PODXL2: variants seen among roughly 807,000 people sequenced by gnomAD.
The protein encoded by PODXL2 is podocalyxin-like protein 2.
In PODXL2, 17 loss-of-function variants were observed where a neutral mutation model predicts 53.4. That is an observed-to-expected ratio of 0.32 (90% confidence interval 0.22 to 0.48). PODXL2 has a LOEUF of 0.48. Among genes scored for constraint, PODXL2 ranks in the 20% least tolerant of loss-of-function variants. PODXL2 has a pLI of 0.99. For synonymous variants in PODXL2, 311 were observed against 306.7 expected, an observed-to-expected ratio of 1.01 and a Z score of -0.15; for missense variants, 673 against 760.0, an observed-to-expected ratio of 0.89 and a Z score of 1.35.
Position 127,629,355 on chromosome 3 carries a change from C to A in PODXL2, c.70+66C>A. On this transcript the variant is annotated intron_variant, in intron 1 of 7. Transcript: ENST00000342480. This position sits in a 1 kb window ranked among gnomAD's most constrained non-coding sequence, Gnocchi z 6.4. ...GGCGTGGGCGCGGTGCTGGACAGCT[C>A]CCCGGGCCGCCAACAAAGGGGCCAG... 1.0e-6 allele frequency: 1 copy of A among 997,236 alleles called. No individual in the cohort carries two copies. The highest frequency in any genetic ancestry group is 1.2e-6 in the Non-Finnish European group (1 of 838,174). The allele number at this position is 997,236 out of a possible 1,614,324, so 61.8% of individuals were successfully genotyped here.
At chr3:127,648,980 C>T (rs561160217) in intron 2 of PODXL2, among the ~76,000 whole-genome samples, 8 of 151,938 alleles carry the variant, frequency 5.3e-5, no homozygotes, top group East Asian at 3.9e-4. Flanking sequence ...TCAGTAGAGA[C>T]GGGGTTTTGT....
chr3:127,668,438 T>C lies in PODXL2; in HGVS notation c.1207-3T>C. ...ACACGGGGGGCTCTTTCTGCCCTTG[T>C]AGGAGGTGTTCCGGCAGCACCGGGG... is the stretch of plus-strand genomic sequence containing the variant. On this transcript the variant is annotated splice_polypyrimidine_tract_variant and splice_region_variant and intron_variant, in intron 4 of 7. Coordinates refer to ENST00000342480, the MANE Select transcript of PODXL2 (RefSeq NM_015720.4). 6.5e-7 allele frequency: 1 copy of C among 1,528,480 alleles called. No homozygotes were observed. The highest frequency in any genetic ancestry group is 2.0e-5 in the Admixed American group (1 of 49,260). The allele number at this position is 1,528,480 out of a possible 1,614,324, so 94.7% of individuals were successfully genotyped here.
At chr3:127,650,712 A>G (rs1490519519) in intron 2 of PODXL2, among the ~76,000 whole-genome samples, 2 of 152,032 alleles carry the variant, frequency 1.3e-5, no homozygotes, top group African/African-American at 4.8e-5. Context: ...GCTGGAGTGC[A>G]GTGGTGCGAT....
chr3:127,631,641 CAATT>C (rs1329053961), intron 1 of PODXL2, among the ~76,000 whole-genome samples: 102 of 152,278 alleles, frequency 6.7e-4, no homozygotes, highest in African/African-American at 2.1e-3. Flanking sequence ...GGTGGGGTCT[CAATT>C]AAGGCAGATT....
rs182006621 is a variant in PODXL2, at chr3:127,661,841, T to C, written c.1132-396T>C. ...CCCTCCTCCTCCCCACCGACACCCA[T>C]GTGCATAGCAGGCACAAGTCAGTGT... On this transcript the variant is annotated intron_variant, in intron 3 of 7. Coordinates refer to ENST00000342480, the MANE Select transcript of PODXL2 (RefSeq NM_015720.4). Among the ~76,000 whole-genome samples, 1,266 of 151,964 alleles carry C rather than the reference T, an allele frequency of 8.3e-3. 15 individuals are homozygous for C. Among genetic ancestry groups the C allele is most frequent in the Non-Finnish European group, 0.012 (831 of 67,930 alleles).
chr3:127,659,128 C>T (rs1201109155), intron 2 of PODXL2, among the ~76,000 whole-genome samples: 1 of 152,020 alleles, frequency 6.6e-6, no homozygotes, highest in East Asian at 1.9e-4. Context: ...TTTAGGGATG[C>T]AATATTTTGT....
chr3:127,647,782 C>T (rs370058625), intron 2 of PODXL2, among the ~76,000 whole-genome samples: 9 of 152,352 alleles, frequency 5.9e-5, no homozygotes, highest in East Asian at 1.9e-4. Flanking sequence ...GCTCTGCCTT[C>T]CCAGCACTTC....
chr3:127,654,180 T>C (rs1330726604), intron 2 of PODXL2, among the ~76,000 whole-genome samples: 1 of 152,214 alleles, frequency 6.6e-6, no homozygotes, highest in Non-Finnish European at 1.5e-5. Flanking sequence ...CTCTAATCTT[T>C]CTTTGTCTTT....
At chr3:127,650,374 G>A (rs574813798) in intron 2 of PODXL2, among the ~76,000 whole-genome samples, 1 of 152,282 alleles carries the variant, frequency 6.6e-6, no homozygotes, top group South Asian at 2.1e-4. Flanking sequence ...AGAAAGCGGA[G>A]AAATAAGGCC....
chr3:127,670,215 A>G (rs190030978), intron 6 of PODXL2, among the ~76,000 whole-genome samples: 2 of 152,312 alleles, frequency 1.3e-5, no homozygotes, highest in East Asian at 3.9e-4. Flanking sequence ...TGGTGTCCCC[A>G]TGGAAGATGA....
chr3:127,644,265 A>T (rs1576428561), intron 2 of PODXL2, among the ~76,000 whole-genome samples: 1 of 152,038 alleles, frequency 6.6e-6, no homozygotes, highest in South Asian at 2.1e-4. Flanking sequence ...GCGTGCCACC[A>T]TGCCCAGCTA....
intron 2 of PODXL2, among the ~76,000 whole-genome samples, chr3:127,658,785 G>A (rs757041407): frequency 1.3e-5 from 2 of 152,104 alleles, no homozygotes; most frequent in Non-Finnish European, 2.9e-5. Context: ...TCACCTTGAT[G>A]ATACAAGCTT....
At chr3:127,654,098 C>T (rs2074706464) in intron 2 of PODXL2, among the ~76,000 whole-genome samples, 1 of 152,240 alleles carries the variant, frequency 6.6e-6, no homozygotes, top group Non-Finnish European at 1.5e-5. Context: ...TCATAGTCCA[C>T]TATCCGGTCC....
At chr3:127,656,979 T>A (rs1410914553) in intron 2 of PODXL2, among the ~76,000 whole-genome samples, 1 of 151,974 alleles carries the variant, frequency 6.6e-6, no homozygotes, top group African/African-American at 2.4e-5. Context: ...AGTTTGAGGC[T>A]GCAGTGAGCC....
rs910930099 is a variant in PODXL2, at chr3:127,659,416, G to T, written c.350-962G>T. 5.3e-5 allele frequency among the ~76,000 whole-genome samples: 8 copies of T among 152,206 alleles called. No homozygotes were observed. The South Asian group carries it at 1.2e-3, about 24-fold the overall frequency. On this transcript the variant is annotated intron_variant, in intron 2 of 7. Coordinates refer to ENST00000342480, the MANE Select transcript of PODXL2 (RefSeq NM_015720.4). ...TTTTTGTCATTTGATAAAAGTTTTG[G>T]AGGAGGAGGTAAATGAATACCTTTA...
rs544881767 is a variant in PODXL2, at chr3:127,661,541, A to G, written c.1131+382A>G. Among the ~76,000 whole-genome samples the G allele has an allele frequency of 7.9e-5, 12 of 151,950 alleles. No homozygotes were observed. The East Asian group carries it at 2.1e-3, about 27-fold the overall frequency. Reference sequence around the variant, plus strand: ...AACCTCCACCGCCCAGGTTCAAGCAATTCTCATACCTCAGCCCCCTGAGTA... The same window carrying G: ...AACCTCCACCGCCCAGGTTCAAGCAGTTCTCATACCTCAGCCCCCTGAGTA... On this transcript the variant is annotated intron_variant, in intron 3 of 7. Coordinates refer to ENST00000342480, the MANE Select transcript of PODXL2 (RefSeq NM_015720.4).
intron 6 of PODXL2, among the ~76,000 whole-genome samples, chr3:127,670,436 T>C (rs956160770): frequency 6.6e-6 from 1 of 152,174 alleles, no homozygotes; most frequent in South Asian, 2.1e-4. Flanking sequence ...AACCTTGACC[T>C]TTTATACAGT....
chr3:127,653,218 C>T (rs896072135), intron 2 of PODXL2, among the ~76,000 whole-genome samples: 1 of 152,212 alleles, frequency 6.6e-6, no homozygotes, highest in African/African-American at 2.4e-5. Context: ...AAAACTGTCT[C>T]ACCTGCTTCA....
Position 127,672,755 on chromosome 3 carries a change from G to A in PODXL2, c.*275G>A, listed in dbSNP as rs1208982814. 4 of 396,906 alleles carry A rather than the reference G, an allele frequency of 1.0e-5. No homozygotes were observed. Among genetic ancestry groups the A allele is most frequent in the Non-Finnish European group, 1.8e-5 (4 of 228,012 alleles). 24.6% of individuals were successfully genotyped at this position (396,906 alleles called of 1,614,324 possible). ...GCGGGCGGCGGGCGGCGCTTCCTGC[G>A]CCCCGGGACTCAATTAAACCCGCCC... On this transcript the variant is annotated 3_prime_UTR_variant, in exon 8 of 8. Transcript: ENST00000342480.
Sources: allele counts gnomAD v4.1 joint callset (sites outside exome capture counted in the v4.1 genomes callset), GRCh38; gene constraint gnomAD v4.1.1; non-coding constraint Gnocchi (gnomAD v3.1); transcripts MANE v1.5; gene names NCBI Gene and HGNC (gene_info 2026-07-23, HGNC 2026-07-21).